Variants in PREX2 observed in about 807,000 individuals in gnomAD.
PREX2 encodes the protein phosphatidylinositol 3,4,5-trisphosphate-dependent Rac exchanger 2 protein.
In PREX2, 107 loss-of-function variants were observed where a neutral mutation model predicts 203.2. That is an observed-to-expected ratio of 0.53 (90% CI 0.45 to 0.62). The LOEUF (loss-of-function observed/expected upper bound fraction) is 0.62, where lower values mean the gene tolerates loss of function less well. PREX2 is among the 20% of genes least tolerant of loss of function. PREX2 has a pLI of 0.00. For synonymous variants in PREX2, 672 were observed against 663.6 expected (o/e 1.01, Z -0.19); for missense variants, 1,777 against 1,955.9 (o/e 0.91, Z 1.72).
intron 30 of PREX2, among the ~76,000 whole-genome samples, chr8:68,122,708 T>C (rs895394500): frequency 6.6e-6 from 1 of 152,154 alleles, no homozygotes; most frequent in Non-Finnish European, 1.5e-5. Context: ...AAATTTCTAA[T>C]GCTCTCATTA....
At chr8:67,995,341 T>C (rs4737879) in intron 1 of PREX2, among the ~76,000 whole-genome samples, 33,597 of 152,156 alleles carry the variant, frequency 0.22, 4,809 homozygotes, top group East Asian at 0.54. Flanking sequence ...AGATAAGTGA[T>C]GGGCACTTTA....
intron 6 of PREX2, among the ~76,000 whole-genome samples, chr8:68,036,775 G>A (rs911154312): frequency 2.0e-5 from 3 of 151,902 alleles, no homozygotes; most frequent in Non-Finnish European, 2.9e-5. Context: ...GAGAAACCCC[G>A]TCTCTTCTAA....
chr8:67,952,412 C>G lies in PREX2; in HGVS notation c.18C>G (p.Arg6=). 1 of 1,565,534 alleles carries G rather than the reference C, an allele frequency of 6.4e-7. No homozygotes were observed. Among genetic ancestry groups the G allele is most frequent in the South Asian group, 1.2e-5 (1 of 84,978 alleles). ...CGCCGACCATGAGCGAGGACAGCCG[C>G]GGAGACAGCCGCGCCGAGAGCGCCA... The part of the protein sequence containing the change: MSEDS[R]GDSRAESAKD... The change falls in exon 1 of 40, where the codon CGC becomes CGG. Residue 6 remains arginine (R), a synonymous_variant. Coordinates refer to ENST00000288368, the MANE Select transcript of PREX2 (RefSeq NM_024870.4).
chr8:68,084,258 A>G (rs1422600490), intron 18 of PREX2, among the ~76,000 whole-genome samples: 1 of 152,098 alleles, frequency 6.6e-6, no homozygotes, highest in African/African-American at 2.4e-5. Flanking sequence ...TATTGTTTAA[A>G]TTTTACTTGT....
chr8:67,983,263 A>G (rs1026342463), intron 1 of PREX2, among the ~76,000 whole-genome samples: 4 of 83,572 alleles, frequency 4.8e-5, no homozygotes, highest in African/African-American at 1.3e-4. Flanking sequence ...GAAACAAACT[A>G]TGTTTTACCT....
intron 35 of PREX2, among the ~76,000 whole-genome samples, chr8:68,158,523 G>A (rs1486534565): frequency 6.6e-6 from 1 of 152,076 alleles, no homozygotes; most frequent in East Asian, 1.9e-4. Context: ...ATACAAAGTT[G>A]TTTGTCAGGC....
intron 8 of PREX2, among the ~76,000 whole-genome samples, chr8:68,052,198 T>C (rs1029301002): frequency 1.3e-5 from 2 of 152,180 alleles, no homozygotes; most frequent in Non-Finnish European, 2.9e-5. Context: ...TGAATGACTT[T>C]CAGGAGAGAC....
At chr8:68,094,567 T>C (rs13262561) in intron 21 of PREX2, among the ~76,000 whole-genome samples, 22,891 of 152,230 alleles carry the variant, frequency 0.15, 1,739 homozygotes, top group East Asian at 0.28. Flanking sequence ...TCACCTCTTA[T>C]ATTTTCTTGG....
intron 35 of PREX2, among the ~76,000 whole-genome samples, chr8:68,188,339 C>T (rs1812230353): frequency 6.6e-6 from 1 of 152,034 alleles, no homozygotes; most frequent in South Asian, 2.1e-4. Flanking sequence ...AAAAACCATC[C>T]CACTTCAAAT....
Position 68,096,947 on chromosome 8 carries a change from A to G in PREX2, c.2369-70A>G, listed in dbSNP as rs1810096115. The stretch of plus-strand genomic sequence containing the variant: ...AACTCTTTAAAAATTATTTAAAGAG[A>G]CACAAAATTATTTGAGGAGATTAAC... On this transcript the variant is annotated intron_variant, in intron 21 of 39. Coordinates refer to ENST00000288368, the MANE Select transcript of PREX2 (RefSeq NM_024870.4). The G allele has an allele frequency of 3.1e-6, 4 of 1,284,836 alleles. No homozygotes were observed. In the Admixed American group the frequency reaches 7.7e-5, roughly 25 times the overall value. The allele number at this position is 1,284,836 out of a possible 1,614,324, so 79.6% of individuals were successfully genotyped here.
Position 68,144,733 on chromosome 8 carries a change from G to A in PREX2, c.4088-1476G>A, listed in dbSNP as rs1300375975. Among the ~76,000 whole-genome samples the A allele has an allele frequency of 2.6e-5, 4 of 152,138 alleles. No homozygotes were observed. In the South Asian group the frequency reaches 6.2e-4, roughly 24 times the overall value. ...TGCCTGTAATCTCAACACTCTGGGA[G>A]GCCAAGGCTGGAGGATCACTTGATC... On this transcript the variant is annotated intron_variant, in intron 33 of 39. Coordinates refer to ENST00000288368, the MANE Select transcript of PREX2 (RefSeq NM_024870.4).
intron 30 of PREX2, among the ~76,000 whole-genome samples, chr8:68,126,350 A>G (rs1430060521): frequency 6.6e-6 from 1 of 152,128 alleles, no homozygotes; most frequent in Non-Finnish European, 1.5e-5. Context: ...ATTCTCACTT[A>G]TATTTTACAC....
rs1032238630 is a variant in PREX2, at chr8:68,095,532, CATAT to C, written c.2369-1482_2369-1479del. Among the ~76,000 whole-genome samples the C allele has an allele frequency of 3.3e-4, 25 of 75,162 alleles. 1 individual carries two copies. The highest frequency in any genetic ancestry group is 1.4e-3 in the African/African-American group (25 of 18,282). The allele number at this position is 75,162 out of a possible 152,430, so 49.3% of individuals were successfully genotyped here. On this transcript the variant is annotated intron_variant, in intron 21 of 39. Coordinates refer to ENST00000288368, the MANE Select transcript of PREX2 (RefSeq NM_024870.4). ...ACATACATACATACATACATACATACATATATGTGTGTGTGTGTGTGTGTGTATC... is the reference window on the plus strand; with the variant it reads ...ACATACATACATACATACATACATACATGTGTGTGTGTGTGTGTGTGTATC...
chr8:67,996,838 G>T (rs945281578), intron 1 of PREX2, among the ~76,000 whole-genome samples: 3 of 152,096 alleles, frequency 2.0e-5, no homozygotes, highest in Non-Finnish European at 2.9e-5. Context: ...AGGAGTTGAG[G>T]TTTGTTTTAT....
At chr8:68,138,062 T>C (rs964998069) in intron 32 of PREX2, among the ~76,000 whole-genome samples, 1 of 152,228 alleles carries the variant, frequency 6.6e-6, no homozygotes, top group African/African-American at 2.4e-5. Context: ...TGTTATAAGA[T>C]TTTAGAAGTT....
intron 27 of PREX2, 101 bp from the exon 28 acceptor site, chr8:68,119,331 T>C: frequency 4.0e-6 from 3 of 752,350 alleles, no homozygotes; most frequent in Non-Finnish European, 7.0e-6. Context: ...TAACAGCTTG[T>C]GTTTAATTTT....
intron 34 of PREX2, among the ~76,000 whole-genome samples, chr8:68,150,964 C>T (rs894077074): frequency 6.6e-6 from 1 of 152,162 alleles, no homozygotes; most frequent in Non-Finnish European, 1.5e-5. Context: ...CAATCTCTGC[C>T]CCTATCCTCA....
chr8:68,143,001 G>C (rs764830113), intron 33 of PREX2, among the ~76,000 whole-genome samples: 1 of 152,134 alleles, frequency 6.6e-6, no homozygotes, highest in Non-Finnish European at 1.5e-5. Context: ...GTGTATAGTG[G>C]TAGCTCAGTA....
At chr8:68,187,639 C>G (rs1274881558) in intron 35 of PREX2, among the ~76,000 whole-genome samples, 1 of 152,212 alleles carries the variant, frequency 6.6e-6, no homozygotes, top group Non-Finnish European at 1.5e-5. Flanking sequence ...TTTTTTACCA[C>G]ATTGCTTTTT....
Sources: allele counts gnomAD v4.1 joint callset (sites outside exome capture counted in the v4.1 genomes callset), GRCh38; gene constraint gnomAD v4.1.1; transcripts MANE v1.5; gene names NCBI Gene and HGNC (gene_info 2026-07-23, HGNC 2026-07-21).